Variants in ME3 observed in about 807,000 individuals in gnomAD.
ME3 encodes the protein malic enzyme 3.
Under a neutral mutation model 68.9 loss-of-function variants are expected in ME3, and 48 were observed. The observed-to-expected ratio is 0.70, with a 90% CI of 0.55 to 0.89. The LOEUF is 0.89. Ranked by LOEUF, ME3 falls within the 40% of genes least tolerant of loss-of-function variation. ME3 has a pLI of 0.00. For missense variants in ME3, 675 were observed against 797.4 expected (o/e 0.85, Z 1.85); for synonymous variants, 320 against 318.8 (o/e 1.00, Z -0.04).
chr11:86,467,712 C>CACACACACACACA (rs1471970486), intron 7 of ME3, among the ~76,000 whole-genome samples: 213 of 150,826 alleles, frequency 1.4e-3, no homozygotes, highest in African/African-American at 4.5e-3. Flanking sequence ...CACACACACA[C>CACACACACACACA]CCCTTTAAGC....
At chr11:86,443,463 A>G (rs1465011532) in intron 13 of ME3, among the ~76,000 whole-genome samples, 2 of 152,222 alleles carry the variant, frequency 1.3e-5, no homozygotes, top group African/African-American at 4.8e-5. Context: ...CATCCTGAGA[A>G]CAGAGCCTCC....
intron 4 of ME3, among the ~76,000 whole-genome samples, chr11:86,538,784 T>C (rs1031708865): frequency 7.9e-5 from 12 of 152,190 alleles, no homozygotes; most frequent in African/African-American, 2.9e-4. Flanking sequence ...AAGTGCATCA[T>C]GATCCCTGAC....
chr11:86,450,182 CA>C (rs1234425490), intron 9 of ME3, 118 bp downstream of exon 9: 27 of 1,082,470 alleles, frequency 2.5e-5, no homozygotes, highest in Non-Finnish European at 3.3e-5. Flanking sequence ...GCAATGATCA[CA>C]ATATGTCTGT....
At chr11:86,514,817 C>T (rs1418233213) in intron 4 of ME3, among the ~76,000 whole-genome samples, 65 of 152,120 alleles carry the variant, frequency 4.3e-4, no homozygotes, top group Non-Finnish European at 1.9e-4. Flanking sequence ...ATAGTAAATA[C>T]ATAACAAATG....
chr11:86,599,414 A>G (rs1194787379), intron 2 of ME3, among the ~76,000 whole-genome samples: 2 of 152,234 alleles, frequency 1.3e-5, no homozygotes, highest in Non-Finnish European at 2.9e-5. Flanking sequence ...AAGAATAAAA[A>G]GAAACGAACA....
intron 7 of ME3, among the ~76,000 whole-genome samples, chr11:86,469,003 C>T (rs1434006154): frequency 2.0e-5 from 3 of 152,086 alleles, no homozygotes; most frequent in African/African-American, 4.8e-5. Context: ...GAATTTAAAT[C>T]TGGTTCTGTC....
chr11:86,574,397 C>CGG (rs376489722), intron 2 of ME3, among the ~76,000 whole-genome samples: 51 of 58,026 alleles, frequency 8.8e-4, no homozygotes, highest in African/African-American at 1.0e-3. Flanking sequence ...TATTTGTTGC[C>CGG]GGGGGGGGGG....
chr11:86,520,210 C>T lies in ME3; in HGVS notation c.468-11343G>A, dbSNP rs572537993. Among the ~76,000 whole-genome samples the T allele has an allele frequency of 2.6e-5, 4 of 152,218 alleles. No individual in the cohort carries two copies. In the South Asian group the frequency reaches 6.2e-4, roughly 24 times the overall value. On this transcript the variant is annotated intron_variant, in intron 4 of 14. Transcript: ENST00000543262. ...GTGGAGTGCTCCTGACTTTAGAGCC[C>T]AGGTGTAAAGGTGTGGACCCTGACA...
At chr11:86,534,594 A>G (rs590750) in intron 4 of ME3, among the ~76,000 whole-genome samples, 122,016 of 152,054 alleles carry the variant, frequency 0.8, 49,211 homozygotes, top group South Asian at 0.84. Flanking sequence ...AGAACTGCTT[A>G]AACCTATGAG....
rs567991881 is a variant in ME3, at chr11:86,660,063, G to A, written c.183+11699C>T. Among the ~76,000 whole-genome samples, 3 of 152,328 alleles carry A rather than the reference G, an allele frequency of 2.0e-5. No individual in the cohort carries two copies. The East Asian group carries it at 5.8e-4, about 29-fold the overall frequency. On this transcript the variant is annotated intron_variant, in intron 2 of 14. Transcript: ENST00000543262. ...AATGACACTTGAATTTCTGCTGCTA[G>A]TGACATTTTAATTTAAGCTTCTCTC... is the stretch of plus-strand genomic sequence containing the variant.
Position 86,602,302 on chromosome 11 carries a change from C to G in ME3, c.184-42479G>C, listed in dbSNP as rs1178398205. 8.1e-5 allele frequency among the ~76,000 whole-genome samples: 12 copies of G among 147,532 alleles called. No homozygotes were observed. In the East Asian group the frequency reaches 2.8e-3, roughly 34 times the overall value. ...TACAAAAATCACAAGCATTCTTATA[C>G]ACCAATAACAGACAAACAGAGAGCC... On this transcript the variant is annotated intron_variant, in intron 2 of 14. Transcript: ENST00000543262.
At chr11:86,503,225 A>T (rs539868803) in intron 5 of ME3, among the ~76,000 whole-genome samples, 1 of 152,328 alleles carries the variant, frequency 6.6e-6, no homozygotes, top group South Asian at 2.1e-4. Context: ...AAATCCAATG[A>T]GTTAATCTAT....
At chr11:86,665,441 C>T (rs1372464585) in intron 2 of ME3, among the ~76,000 whole-genome samples, 1 of 152,034 alleles carries the variant, frequency 6.6e-6, no homozygotes, top group Non-Finnish European at 1.5e-5. Context: ...GAAGGAGGAT[C>T]AGTCAGTGCA....
At chr11:86,653,008 A>G (rs1381564696) in intron 2 of ME3, among the ~76,000 whole-genome samples, 1 of 152,206 alleles carries the variant, frequency 6.6e-6, no homozygotes, top group Non-Finnish European at 1.5e-5. Flanking sequence ...AGGCCATTAC[A>G]TAATGGTAAA....
chr11:86,518,075 C>T (rs942139504), intron 4 of ME3, among the ~76,000 whole-genome samples: 133 of 152,152 alleles, frequency 8.7e-4, no homozygotes, highest in Non-Finnish European at 9.3e-4. Context: ...GAAAAACACC[C>T]AAACCTTTTC....
rs117510115 is a variant in ME3, at chr11:86,459,784, G to T, written c.919+5307C>A. 1.6e-3 allele frequency among the ~76,000 whole-genome samples: 250 copies of T among 152,326 alleles called. 1 individual carries two copies. The highest frequency in any genetic ancestry group is 3.6e-3 in the Admixed American group (55 of 15,306). On this transcript the variant is annotated intron_variant, in intron 8 of 14. Transcript: ENST00000543262. ...TGATTGTTAAGCATTGGACTCACAG[G>T]GGGTGCTAATAGCCTGACATAACAC...
chr11:86,667,559 AT>A (rs1368139763), intron 2 of ME3, among the ~76,000 whole-genome samples: 3 of 152,228 alleles, frequency 2.0e-5, no homozygotes, highest in African/African-American at 7.2e-5. Flanking sequence ...TTTATTGAGC[AT>A]TTCAAGTCAG....
rs532569666 is a variant in ME3, at chr11:86,568,606, C to T, written c.184-8783G>A. On this transcript the variant is annotated intron_variant, in intron 2 of 14. Coordinates refer to ENST00000543262, the Ensembl canonical transcript of ME3. ...AGGGAGGATATTTCAATAGCTCCCA[C>T]CATCAAATGGCAGGGCGCAAAGGCA... 3.3e-5 allele frequency among the ~76,000 whole-genome samples: 5 copies of T among 152,348 alleles called. No individual in the cohort carries two copies. The South Asian group carries it at 8.3e-4, about 25-fold the overall frequency.
chr11:86,512,174 A>G (rs1163299403), intron 4 of ME3, among the ~76,000 whole-genome samples: 1 of 152,218 alleles, frequency 6.6e-6, no homozygotes, highest in Non-Finnish European at 1.5e-5. Context: ...CCCATTGGGC[A>G]ATTACAAGTT....
Sources: allele counts gnomAD v4.1 joint callset (sites outside exome capture counted in the v4.1 genomes callset), GRCh38; gene constraint gnomAD v4.1.1; transcripts MANE v1.5; gene names NCBI Gene and HGNC (gene_info 2026-07-23, HGNC 2026-07-21).